Variants in SRCIN1 observed in about 807,000 individuals in gnomAD.
SRCIN1 encodes the protein SRC kinase signaling inhibitor 1, also known as P130Cas-associated protein.
In SRCIN1, 50 loss-of-function variants were observed where a neutral mutation model predicts 116.2. That is an observed-to-expected ratio of 0.43 (90% CI 0.34 to 0.54). SRCIN1 has a LOEUF of 0.54. SRCIN1 is among the 20% of genes least tolerant of loss of function. The probability of loss-of-function intolerance (pLI) is 0.02; values close to 1 mark genes in which losing one functional copy is unlikely to be tolerated. For synonymous variants in SRCIN1, 736 were observed against 750.0 expected (o/e 0.98, Z 0.30); for missense variants, 1,446 against 1,672.0 (o/e 0.86, Z 2.36).
intron 1 of SRCIN1, 73 bp from the exon 2 acceptor site, chr17:38,578,864 C>A: frequency 1.4e-6 from 2 of 1,420,676 alleles, no homozygotes; most frequent in South Asian, 3.0e-5. Context: ...CCAAGGGGGT[C>A]CCTGCGGGAA....
chr17:38,533,843 G>A (rs1041390296), intron 18 of SRCIN1, among the ~76,000 whole-genome samples: 1 of 151,934 alleles, frequency 6.6e-6, no homozygotes, highest in Non-Finnish European at 1.5e-5. Context: ...GGGGGTCAGG[G>A]TGGGGAAAGG....
chr17:38,561,414 C>T, intron 7 of SRCIN1, 49 bp downstream of exon 7: 1 of 1,447,718 alleles, frequency 6.9e-7, no homozygotes, highest in Non-Finnish European at 9.1e-7. Context: ...ACCCTCTCCG[C>T]AGCGCACCCC....
At chr17:38,547,045 A>T (rs954960634) in intron 17 of SRCIN1, among the ~76,000 whole-genome samples, 6 of 152,248 alleles carry the variant, frequency 3.9e-5, no homozygotes, top group Non-Finnish European at 5.9e-5. Flanking sequence ...CCCAGGAAAG[A>T]ATAAAGAGGA....
At chr17:38,537,218 A>T (rs1904444472) in intron 18 of SRCIN1, among the ~76,000 whole-genome samples, 2 of 150,568 alleles carry the variant, frequency 1.3e-5, no homozygotes, top group Non-Finnish European at 2.9e-5. Context: ...CAGCTGTGTG[A>T]AGCCGGGCTT....
chr17:38,582,628 G>A (rs1907889129), intron 1 of SRCIN1, among the ~76,000 whole-genome samples: 1 of 152,212 alleles, frequency 6.6e-6, no homozygotes, highest in Non-Finnish European at 1.5e-5. Flanking sequence ...CAGAGAGAGG[G>A]GAGGGGGCAG....
intron 17 of SRCIN1, chr17:38,547,756 T>C: frequency 3.1e-6 from 1 of 322,150 alleles, no homozygotes; most frequent in Non-Finnish European, 6.1e-6. Flanking sequence ...GCAGCCCCGT[T>C]ACCTTCCGTG....
At chr17:38,537,930 T>C (rs1904492550) in intron 18 of SRCIN1, among the ~76,000 whole-genome samples, 2 of 149,550 alleles carry the variant, frequency 1.3e-5, no homozygotes. Context: ...TGAAACCCCA[T>C]CTTTACTAAA....
Position 38,563,008 on chromosome 17 carries a change from G to T in SRCIN1, c.741-88C>A. 2 of 1,182,526 alleles carry T rather than the reference G, an allele frequency of 1.7e-6. No individual in the cohort carries two copies. Among genetic ancestry groups the T allele is most frequent in the Non-Finnish European group, 1.2e-6 (1 of 816,904 alleles). The allele number at this position is 1,182,526 out of a possible 1,614,324, so 73.3% of individuals were successfully genotyped here. A position where few individuals can be genotyped will look rare whatever the true frequency, so the allele number is the denominator to read the frequency against. ...TGGCTACTCCAGGCCTAGAGAAGAGGGGTGGCCAGAGGCACCGGGAGCCCC... is the reference window on the plus strand; with the variant it reads ...TGGCTACTCCAGGCCTAGAGAAGAGTGGTGGCCAGAGGCACCGGGAGCCCC... On this transcript the variant is annotated intron_variant, in intron 5 of 18. Transcript: ENST00000617146. This position sits in a 1 kb window ranked among gnomAD's most constrained non-coding sequence, Gnocchi z 5.8.
chr17:38,536,604 C>T (rs578139044), intron 18 of SRCIN1, among the ~76,000 whole-genome samples: 37 of 152,292 alleles, frequency 2.4e-4, no homozygotes, highest in Admixed American at 1.5e-3. Flanking sequence ...TGGAACCTCT[C>T]GACTCTACAG....
At chr17:38,600,704 T>A (rs1908972824) in intron 1 of SRCIN1, among the ~76,000 whole-genome samples, 1 of 152,196 alleles carries the variant, frequency 6.6e-6, no homozygotes, top group Non-Finnish European at 1.5e-5. Context: ...GGCTGCAGTA[T>A]CAGGCCTCCG....
intron 18 of SRCIN1, chr17:38,542,619 C>CG: frequency 6.3e-6 from 1 of 158,468 alleles, no homozygotes. Context: ...GGAGAGGCTG[C>CG]GGGGGGCTGG....
Position 38,572,231 on chromosome 17 carries a change from C to T in SRCIN1, c.325-4000G>A, listed in dbSNP as rs1567872599. On this transcript the variant is annotated intron_variant, in intron 2 of 18. Transcript: ENST00000617146. The surrounding 1 kb of genome is among the most constrained non-coding windows in gnomAD (Gnocchi z 4.3). ...ACACGAGTCAGCGTAAACACTCGTC[C>T]CCCGGGCTGGGGCTAAGCCACTCGC... Among the ~76,000 whole-genome samples, 1 of 152,332 alleles carries T rather than the reference C, an allele frequency of 6.6e-6. No homozygotes were observed. The highest frequency in any genetic ancestry group is 1.9e-4 in the East Asian group (1 of 5,178).
At position 38,551,325 on chromosome 17, in the gene SRCIN1, T is replaced by C; in HGVS notation, c.2792A>G (p.Asn931Ser). 1.2e-6 allele frequency: 2 copies of C among 1,613,840 alleles called. No individual in the cohort carries two copies. The highest frequency in any genetic ancestry group is 1.7e-6 in the Non-Finnish European group (2 of 1,179,838). Residue 931 changes from asparagine to serine, a missense_variant, in exon 15 of 19, where the codon AAC (asparagine) becomes AGC (serine). Asn to Ser is a conservative substitution (Grantham distance 46). Around this residue, in one of 5 missense-constraint regions of SRCIN1, gnomAD observed 531 missense variants for 633.9 expected, o/e 0.84. Transcript: ENST00000617146. ...TGCCTGTGTCTCTTCCAGCAGCCGG[T>C]TGATGTCCTTGGCACTGTACTGGGT... ...ALTQYSAKDINRLLEETQAEL... is the reference protein window; with the variant it reads ...ALTQYSAKDISRLLEETQAEL...
Position 38,562,365 on chromosome 17 carries a change from T to C in SRCIN1, c.835-37A>G. Reference sequence around the variant, plus strand: ...ACAGCCCGGAACCCCACGGGGCTGGTCACCAAGGACACCCCTGTCCCTTGC... The same window carrying C: ...ACAGCCCGGAACCCCACGGGGCTGGCCACCAAGGACACCCCTGTCCCTTGC... On this transcript the variant is annotated intron_variant, in intron 6 of 18. Coordinates refer to ENST00000617146, the MANE Select transcript of SRCIN1 (RefSeq NM_025248.3). This position sits in a 1 kb window ranked among gnomAD's most constrained non-coding sequence, Gnocchi z 4.2. 7.1e-7 allele frequency: 1 copy of C among 1,409,878 alleles called. No individual in the cohort carries two copies. Among genetic ancestry groups the C allele is most frequent in the Non-Finnish European group, 9.2e-7 (1 of 1,090,864 alleles). The allele number at this position is 1,409,878 out of a possible 1,614,324, so 87.3% of individuals were successfully genotyped here.
At chr17:38,540,737 A>AGG (rs1491217449) in intron 18 of SRCIN1, among the ~76,000 whole-genome samples, 2 of 140,028 alleles carry the variant, frequency 1.4e-5, no homozygotes, top group African/African-American at 6.1e-5. Context: ...TTAAGCTGGC[A>AGG]GGGGTGTGTG....
intron 18 of SRCIN1, among the ~76,000 whole-genome samples, chr17:38,536,717 CAGG>C: frequency 6.6e-6 from 1 of 152,348 alleles, no homozygotes; most frequent in East Asian, 1.9e-4. Flanking sequence ...ATTGAACCAT[CAGG>C]AGAAGCTGGG....
In SRCIN1 at chr17:38,562,102, C is replaced by T; in HGVS notation, c.1061G>A (p.Gly354Asp). The change falls in exon 7 of 19, where the codon GGC becomes GAC. Residue 354 changes from glycine (G) to aspartate (D), a missense_variant. Transcript: ENST00000617146. The surrounding 1 kb of genome is among the most constrained non-coding windows in gnomAD (Gnocchi z 4.2). ...PVHHAAERLG[G>D]APAAQGVSPS... is the part of the protein sequence containing the mutation. Reference sequence around the variant, plus strand: ...GCTGACGCCCTGGGCGGCCGGGGCGCCTCCCAGCCTCTCGGCCGCGTGGTG... The same window carrying T: ...GCTGACGCCCTGGGCGGCCGGGGCGTCTCCCAGCCTCTCGGCCGCGTGGTG... The T allele has an allele frequency of 2.1e-6, 3 of 1,422,232 alleles. No homozygotes were observed. Among genetic ancestry groups the T allele is most frequent in the Non-Finnish European group, 2.7e-6 (3 of 1,094,872 alleles). The allele number at this position is 1,422,232 out of a possible 1,614,324, so 88.1% of individuals were successfully genotyped here.
At chr17:38,549,324 G>T in intron 15 of SRCIN1, 114 bp from the exon 16 acceptor site, 2 of 1,096,848 alleles carry the variant, frequency 1.8e-6, no homozygotes, top group Non-Finnish European at 2.4e-6. Flanking sequence ...ACCAGGAGGA[G>T]GTGAGAGGAA....
In SRCIN1 at chr17:38,533,305, A is replaced by T; in HGVS notation, c.3544T>A (p.Ser1182Thr). The T allele has an allele frequency of 6.4e-7, 1 of 1,562,086 alleles. No homozygotes were observed. Among genetic ancestry groups the T allele is most frequent in the Non-Finnish European group, 8.7e-7 (1 of 1,151,286 alleles). ...TSFGARNSSISF is the reference protein window; with the variant it reads ...TSFGARNSSITF ...AGCGGGGTGAGGGGCTTCTAGAAGGAGATGGAAGAATTCCTTGCCCCAAAG... is the reference window on the plus strand; with the variant it reads ...AGCGGGGTGAGGGGCTTCTAGAAGGTGATGGAAGAATTCCTTGCCCCAAAG... Residue 1182 changes from serine (S) to threonine (T), a missense_variant, in exon 19 of 19, where the codon TCC (serine) becomes ACC (threonine). Ser to Thr is a moderately conservative substitution (Grantham distance 58, BLOSUM62 1). Coordinates refer to ENST00000617146, the MANE Select transcript of SRCIN1 (RefSeq NM_025248.3).
Sources: allele counts gnomAD v4.1 joint callset (sites outside exome capture counted in the v4.1 genomes callset), GRCh38; gene constraint gnomAD v4.1.1; regional missense constraint gnomAD v4.1.1; non-coding constraint Gnocchi (gnomAD v3.1); transcripts MANE v1.5; gene names NCBI Gene and HGNC (gene_info 2026-07-23, HGNC 2026-07-21).